IL1RAPL1: variants seen among roughly 807,000 people sequenced by gnomAD.
IL1RAPL1 encodes interleukin-1 receptor accessory protein-like 1.
IL1RAPL1 carries 3 observed loss-of-function variants against 48.4 expected under a neutral mutation model. The ratio of observed to expected loss-of-function variants is 0.06; its 90% CI spans 0.03 to 0.16. The LOEUF (loss-of-function observed/expected upper bound fraction) is 0.16. IL1RAPL1 is among the 10% of genes least tolerant of loss of function. The pLI is 1.00. For synonymous variants in IL1RAPL1, 185 were observed against 187.7 expected (o/e 0.99, Z 0.12); for missense variants, 349 against 530.6 (o/e 0.66, Z 3.36).
chrX:29,637,053 C>CAA (rs761907735), intron 5 of IL1RAPL1, among the ~76,000 whole-genome samples: 11 of 54,314 alleles, frequency 2.0e-4, no homozygotes, highest in African/African-American at 3.7e-4. Flanking sequence ...AACTCCGTCT[C>CAA]AAAAAAAAAA....
intron 6 of IL1RAPL1, among the ~76,000 whole-genome samples, chrX:29,694,456 A>G (rs898487677): frequency 9.0e-5 from 10 of 111,580 alleles, no homozygotes; most frequent in African/African-American, 3.3e-4. Flanking sequence ...GTTTTTGCGT[A>G]TATGTATATA....
chrX:29,614,520 A>G (rs975266670), intron 5 of IL1RAPL1, among the ~76,000 whole-genome samples: 4 of 112,531 alleles, frequency 3.6e-5, no homozygotes, highest in Non-Finnish European at 3.7e-5. Context: ...TGAGAAAGAC[A>G]AATTGACTGG....
At chrX:29,665,732 A>G (rs201647622) in intron 5 of IL1RAPL1, among the ~76,000 whole-genome samples, 1 of 112,125 alleles carries the variant, frequency 8.9e-6, no homozygotes, top group East Asian at 2.8e-4. Context: ...CACTTCTATC[A>G]AAGACAGGCA....
At chrX:28,831,788 C>T (rs1040472355) in intron 2 of IL1RAPL1, among the ~76,000 whole-genome samples, 1 of 110,845 alleles carries the variant, frequency 9.0e-6, no homozygotes, top group Non-Finnish European at 1.9e-5. Flanking sequence ...TTCAGAGTTT[C>T]ATACTCCACT....
At chrX:29,584,978 C>T (rs758581780) in intron 5 of IL1RAPL1, among the ~76,000 whole-genome samples, 2 of 112,231 alleles carry the variant, frequency 1.8e-5, no homozygotes, top group Non-Finnish European at 3.8e-5. Context: ...TATCTAAATG[C>T]TCATTCTCAG....
chrX:29,547,434 AAGAG>A (rs1357502731), intron 5 of IL1RAPL1, among the ~76,000 whole-genome samples: 1 of 111,248 alleles, frequency 9.0e-6, no homozygotes, highest in Non-Finnish European at 1.9e-5. Context: ...GTGATGTAAA[AAGAG>A]AGAATAACTA....
intron 5 of IL1RAPL1, among the ~76,000 whole-genome samples, chrX:29,583,283 T>G (rs1923040617): frequency 2.0e-5 from 1 of 50,408 alleles, no homozygotes; most frequent in Non-Finnish European, 3.6e-5. Context: ...AAATTGTCCC[T>G]GTTTGCAGAC....
At chrX:29,704,438 T>G (rs1369016448) in intron 6 of IL1RAPL1, among the ~76,000 whole-genome samples, 4 of 110,865 alleles carry the variant, frequency 3.6e-5, no homozygotes, top group Non-Finnish European at 5.7e-5. Context: ...GGAGGCTGAG[T>G]CAGGCAGATC....
At position 29,123,128 on chromosome X, in the gene IL1RAPL1, C is replaced by A. The variant is rs189998675; in HGVS notation, c.83-159810C>A. Among the ~76,000 whole-genome samples, 12 of 109,871 alleles carry A rather than the reference C, an allele frequency of 1.1e-4. No homozygotes were observed. The East Asian group carries it at 3.4e-3, about 31-fold the overall frequency. ...CACTGCAATCTCTGCCTCCTGGTTT[C>A]AAGCAATTCTCCTGCCTCAGCCTCC... On this transcript the variant is annotated intron_variant, in intron 2 of 10. Coordinates refer to ENST00000378993, the MANE Select transcript of IL1RAPL1 (RefSeq NM_014271.4).
intron 6 of IL1RAPL1, among the ~76,000 whole-genome samples, chrX:29,905,144 A>ATGTT (rs1320284326): frequency 1.8e-5 from 2 of 111,589 alleles, no homozygotes. Context: ...CTTTTTTCAT[A>ATGTT]TGTTTGTTGA....
chrX:28,987,103 C>CT (rs1569214000), intron 2 of IL1RAPL1, among the ~76,000 whole-genome samples: 1 of 112,330 alleles, frequency 8.9e-6, no homozygotes, highest in Non-Finnish European at 1.9e-5. Context: ...TCGGTGCCTC[C>CT]TTAGGGAAAG....
chrX:28,894,481 G>A (rs978072599), intron 2 of IL1RAPL1, among the ~76,000 whole-genome samples: 2 of 111,509 alleles, frequency 1.8e-5, no homozygotes, highest in Non-Finnish European at 3.8e-5. Context: ...GTGGTATCCC[G>A]AATAATGTGG....
chrX:29,499,089 C>G (rs758489258), intron 5 of IL1RAPL1, among the ~76,000 whole-genome samples: 35 of 111,926 alleles, frequency 3.1e-4, no homozygotes, highest in Non-Finnish European at 6.0e-4. Context: ...TCTTGGGTCT[C>G]AACAATATCA....
chrX:29,214,373 A>T (rs944855603), intron 2 of IL1RAPL1, among the ~76,000 whole-genome samples: 1 of 111,364 alleles, frequency 9.0e-6, no homozygotes, highest in Non-Finnish European at 1.9e-5. Flanking sequence ...ACTGATATGA[A>T]ATTGAGGATG....
chrX:29,802,809 A>ATATATG (rs1225063433), intron 6 of IL1RAPL1, among the ~76,000 whole-genome samples: 12 of 46,805 alleles, frequency 2.6e-4, no homozygotes, highest in African/African-American at 7.5e-4. Context: ...ATATATATAT[A>ATATATG]TGTGTGTATA....
intron 6 of IL1RAPL1, among the ~76,000 whole-genome samples, chrX:29,846,778 G>GTATATATGTATATATATGTA (rs750297946): frequency 1.6e-3 from 118 of 74,042 alleles, no homozygotes; most frequent in African/African-American, 6.0e-3. Flanking sequence ...ACATATATAT[G>GTATATATGTATATATATGTA]TATATATGTA....
chrX:29,929,943 T>C (rs749400003), intron 8 of IL1RAPL1, among the ~76,000 whole-genome samples: 166 of 111,872 alleles, frequency 1.5e-3, no homozygotes, highest in African/African-American at 5.3e-3. Context: ...AGAAATACAT[T>C]AAAGATACCG....
intron 2 of IL1RAPL1, among the ~76,000 whole-genome samples, chrX:29,231,132 A>T (rs1248569980): frequency 8.9e-6 from 1 of 111,750 alleles, no homozygotes; most frequent in Non-Finnish European, 1.9e-5. Context: ...GTTGAGGAGG[A>T]TGGAGCTATT....
At chrX:28,977,578 CCAAACCATAT>C (rs1388923723) in intron 2 of IL1RAPL1, among the ~76,000 whole-genome samples, 3 of 112,287 alleles carry the variant, frequency 2.7e-5, no homozygotes, top group Non-Finnish European at 3.8e-5. Flanking sequence ...GGACACAGAT[CCAAACCATAT>C]CAGCAGCCTT....
Sources: allele counts gnomAD v4.1 joint callset (sites outside exome capture counted in the v4.1 genomes callset), GRCh38; gene constraint gnomAD v4.1.1; transcripts MANE v1.5; gene names NCBI Gene and HGNC (gene_info 2026-07-23, HGNC 2026-07-21).